Variants in PPFIA2 observed in about 807,000 individuals in gnomAD.
PPFIA2 encodes the protein liprin-alpha-2.
A neutral mutation model predicts 175.5 loss-of-function variants in PPFIA2; 46 were observed. That is an observed-to-expected ratio of 0.26 (90% CI 0.21 to 0.34). The LOEUF is 0.34. Ranked by LOEUF, PPFIA2 falls within the 10% of genes least tolerant of loss-of-function variation. The pLI is 1.00. For missense variants in PPFIA2, 1,179 were observed against 1,506.1 expected (o/e 0.78, Z 3.60); for synonymous variants, 568 against 511.4 (o/e 1.11, Z -1.49).
chr12:81,337,890 T>C (rs955769558), intron 21 of PPFIA2, among the ~76,000 whole-genome samples: 1 of 152,090 alleles, frequency 6.6e-6, no homozygotes, highest in African/African-American at 2.4e-5. Flanking sequence ...AAACACAAAA[T>C]AATCTGTGTC....
chr12:81,271,596 T>C (rs2039131790), intron 28 of PPFIA2, among the ~76,000 whole-genome samples: 1 of 152,196 alleles, frequency 6.6e-6, no homozygotes, highest in Admixed American at 6.5e-5. Context: ...ATTTACACTT[T>C]ATATTATTAT....
At chr12:81,325,558 A>G (rs2139787270) in intron 22 of PPFIA2, among the ~76,000 whole-genome samples, 1 of 152,242 alleles carries the variant, frequency 6.6e-6, no homozygotes, top group East Asian at 1.9e-4. Flanking sequence ...CGTTGAAGAA[A>G]CTGCTTATTT....
intron 25 of PPFIA2, among the ~76,000 whole-genome samples, chr12:81,283,413 A>G (rs972297114): frequency 1.3e-5 from 2 of 152,048 alleles, no homozygotes; most frequent in Non-Finnish European, 2.9e-5. Flanking sequence ...TCTTATACAA[A>G]GTAAATTAGT....
intron 4 of PPFIA2, among the ~76,000 whole-genome samples, chr12:81,554,678 G>A (rs1329131648): frequency 6.6e-6 from 1 of 152,032 alleles, no homozygotes; most frequent in East Asian, 1.9e-4. Context: ...GGGAGTTTGA[G>A]GTGTAGTGAA....
At chr12:81,537,021 C>G (rs963895188) in intron 4 of PPFIA2, among the ~76,000 whole-genome samples, 1 of 151,224 alleles carries the variant, frequency 6.6e-6, no homozygotes, top group Non-Finnish European at 1.5e-5. Context: ...TAAGTATATA[C>G]TCTTTATAGA....
intron 8 of PPFIA2, among the ~76,000 whole-genome samples, chr12:81,398,784 A>G (rs2041619038): frequency 6.6e-6 from 1 of 152,012 alleles, no homozygotes; most frequent in African/African-American, 2.4e-5. Context: ...ATTCTGGGAT[A>G]CTCTTATTTC....
At chr12:81,635,724 C>T (rs2063912867) in intron 4 of PPFIA2, among the ~76,000 whole-genome samples, 1 of 152,080 alleles carries the variant, frequency 6.6e-6, no homozygotes, top group Non-Finnish European at 1.5e-5. Context: ...AGTTTGAGCT[C>T]CCTCACAGAA....
At chr12:81,422,154 G>GTATATATATGTGTGTA (rs1566759465) in intron 7 of PPFIA2, among the ~76,000 whole-genome samples, 1 of 70,672 alleles carries the variant, frequency 1.4e-5, no homozygotes, top group African/African-American at 7.5e-5. Context: ...ATATATGTGT[G>GTATATATATGTGTGTA]TATATATATA....
intron 4 of PPFIA2, among the ~76,000 whole-genome samples, chr12:81,476,650 G>A (rs2057510029): frequency 6.6e-6 from 1 of 152,108 alleles, no homozygotes; most frequent in Admixed American, 6.6e-5. Flanking sequence ...AGACAGTGTG[G>A]CAATTCCTCA....
chr12:81,704,084 C>T (rs1439762303), intron 3 of PPFIA2, among the ~76,000 whole-genome samples: 1 of 152,134 alleles, frequency 6.6e-6, no homozygotes, highest in African/African-American at 2.4e-5. Context: ...CTCTTGTATT[C>T]ACTAAGGGAT....
chr12:81,752,637 C>A (rs1258927181), intron 3 of PPFIA2, among the ~76,000 whole-genome samples: 1 of 152,130 alleles, frequency 6.6e-6, no homozygotes, highest in Non-Finnish European at 1.5e-5. Flanking sequence ...ACAGGGGATT[C>A]TTAGTGATCC....
chr12:81,376,073 A>G (rs1448867814), intron 9 of PPFIA2, 131 bp from the exon 10 acceptor site: 5 of 834,106 alleles, frequency 6.0e-6, no homozygotes, highest in Non-Finnish European at 1.8e-6. Flanking sequence ...CTTTCTTTTC[A>G]TTGAACGAAT....
chr12:81,692,454 A>T (rs1938838251), intron 3 of PPFIA2, among the ~76,000 whole-genome samples: 1 of 152,174 alleles, frequency 6.6e-6, no homozygotes, highest in Non-Finnish European at 1.5e-5. Context: ...ACAGGAATAA[A>T]TAACTAATTT....
intron 24 of PPFIA2, among the ~76,000 whole-genome samples, chr12:81,290,238 C>T (rs2044555705): frequency 7.6e-6 from 1 of 131,690 alleles, no homozygotes. Context: ...TTCTTGAAGA[C>T]ATGATAGAAT....
At chr12:81,475,529 T>C (rs1037022913) in intron 4 of PPFIA2, among the ~76,000 whole-genome samples, 7 of 152,220 alleles carry the variant, frequency 4.6e-5, no homozygotes, top group Non-Finnish European at 1.0e-4. Context: ...GGAAACATAG[T>C]TCTTCCCGTG....
At chr12:81,514,118 G>T (rs1305148936) in intron 4 of PPFIA2, among the ~76,000 whole-genome samples, 1 of 151,822 alleles carries the variant, frequency 6.6e-6, no homozygotes, top group Non-Finnish European at 1.5e-5. Flanking sequence ...AGAACTTCCA[G>T]AATTTAATTA....
intron 4 of PPFIA2, among the ~76,000 whole-genome samples, chr12:81,517,107 CTTT>C (rs34341719): frequency 4.0e-5 from 5 of 123,698 alleles, no homozygotes; most frequent in East Asian, 2.3e-4. Context: ...CACATTGTAG[CTTT>C]TTTTTTTTTT....
intron 3 of PPFIA2, among the ~76,000 whole-genome samples, chr12:81,725,262 CA>C (rs1271715252): frequency 1.3e-5 from 2 of 150,624 alleles, no homozygotes; most frequent in East Asian, 2.0e-4. Context: ...TTTTTTTCCC[CA>C]AACTCCCTTA....
At chr12:81,758,331 G>A in intron 2 of PPFIA2, 69 bp downstream of exon 2, 1 of 453,020 alleles carries the variant, frequency 2.2e-6, no homozygotes, top group South Asian at 1.6e-5. Context: ...TGGGGGCGGG[G>A]TGGGGCCGGG....
Sources: gnomAD v4.1 joint callset for allele counts (sites outside exome capture counted in the v4.1 genomes callset) on GRCh38, gnomAD v4.1.1 for gene constraint, MANE v1.5 for transcripts, NCBI Gene and HGNC (gene_info 2026-07-23, HGNC 2026-07-21) for gene names.